The following RUNDC3B variants were observed in gnomAD, a reference collection of about 807,000 sequenced individuals.
RUNDC3B encodes RUN domain-containing protein 3B.
RUNDC3B carries 33 observed loss-of-function variants against 58.4 expected under a neutral mutation model. The ratio of observed to expected loss-of-function variants is 0.56; its 90% CI spans 0.43 to 0.75. RUNDC3B has a LOEUF of 0.75. Ranked by LOEUF, RUNDC3B falls within the 30% of genes least tolerant of loss-of-function variation. RUNDC3B has a pLI of 0.00. For synonymous variants in RUNDC3B, 193 were observed against 195.2 expected (o/e 0.99, Z 0.10); for missense variants, 501 against 535.7 (o/e 0.94, Z 0.64).
intron 6 of RUNDC3B, among the ~76,000 whole-genome samples, chr7:87,761,372 A>G (rs1563191982): frequency 6.6e-6 from 1 of 152,060 alleles, no homozygotes; most frequent in East Asian, 1.9e-4. Context: ...CTGGTGGGAA[A>G]ATGTAAAATG....
intron 6 of RUNDC3B, among the ~76,000 whole-genome samples, chr7:87,744,571 T>A (rs1832535591): frequency 6.6e-6 from 1 of 152,186 alleles, no homozygotes; most frequent in African/African-American, 2.4e-5. Flanking sequence ...TTTATTTTGT[T>A]TTTCAGCTAT....
intron 3 of RUNDC3B, among the ~76,000 whole-genome samples, chr7:87,703,497 C>T (rs374472635): frequency 6.6e-6 from 1 of 152,114 alleles, no homozygotes; most frequent in Non-Finnish European, 1.5e-5. Flanking sequence ...ATAAAGTTCA[C>T]TTGTTAAAGC....
At position 87,770,721 on chromosome 7, in the gene RUNDC3B, A is replaced by T. The variant is rs1008097444; in HGVS notation, c.770A>T (p.Gln257Leu). 10 of 1,612,946 alleles carry T rather than the reference A, an allele frequency of 6.2e-6. 1 individual carries two copies. The Admixed American group carries it at 1.7e-4, about 27-fold the overall frequency. Residue 257 changes from glutamine (Q) to leucine (L), a missense_variant, in exon 7 of 11, where the codon CAA (glutamine) becomes CTA (leucine). Physicochemically the swap from Gln to Leu is moderately radical, Grantham distance 113. Coordinates refer to ENST00000394654, the MANE Select transcript of RUNDC3B (RefSeq NM_001134405.2). ...TTCAACAAGTGTAAGAGAGTTAAAC[A>T]AAAGTATCAGCTTACCCTGGAACAG... ...SWFNKCKRVK[Q>L]KYQLTLEQKG...
intron 2 of RUNDC3B, 151 bp downstream of exon 2, chr7:87,651,088 C>T: frequency 1.7e-6 from 1 of 575,110 alleles, no homozygotes; most frequent in South Asian, 2.2e-5. Context: ...TACGAAAGAG[C>T]CTCTGTTCTC....
chr7:87,677,229 A>C (rs983946604), intron 2 of RUNDC3B, among the ~76,000 whole-genome samples: 1 of 151,486 alleles, frequency 6.6e-6, no homozygotes, highest in Non-Finnish European at 1.5e-5. Flanking sequence ...AGACAACCTA[A>C]GTAGCTGTCA....
chr7:87,714,150 T>C (rs28381714), intron 4 of RUNDC3B, among the ~76,000 whole-genome samples: 2,459 of 152,302 alleles, frequency 0.016, 44 homozygotes, highest in Non-Finnish European at 0.026. Flanking sequence ...TTTTGGAATC[T>C]GTGTATGTAT....
intron 6 of RUNDC3B, among the ~76,000 whole-genome samples, chr7:87,757,412 A>T (rs1027102023): frequency 6.6e-6 from 1 of 152,160 alleles, no homozygotes; most frequent in Non-Finnish European, 1.5e-5. Context: ...TGAAAAAGAA[A>T]CAAGGAAAGC....
In RUNDC3B at chr7:87,777,920, A is replaced by G. The variant is rs1563203298; in HGVS notation, c.921A>G (p.Gln307=). ...TGGCTCATAAACTGGAGAAGGAACA[A>G]TTAGAATATATAATTGTGGAGCTTC... ...SDLAHKLEKE[Q]LEYIIVELQD... The change falls in exon 8 of 11, where the codon CAA becomes CAG. Residue 307 remains glutamine (Q), a synonymous_variant. Transcript: ENST00000394654. 1.2e-6 allele frequency: 2 copies of G among 1,613,704 alleles called. No individual in the cohort carries two copies. The highest frequency in any genetic ancestry group is 1.7e-5 in the Admixed American group (1 of 60,002).
At chr7:87,733,314 A>C (rs995391927) in intron 4 of RUNDC3B, among the ~76,000 whole-genome samples, 1 of 152,224 alleles carries the variant, frequency 6.6e-6, no homozygotes, top group African/African-American at 2.4e-5. Flanking sequence ...CTGGCAGTCC[A>C]ACCTGGCATT....
At chr7:87,767,067 G>A (rs926079693) in intron 6 of RUNDC3B, among the ~76,000 whole-genome samples, 3 of 151,870 alleles carry the variant, frequency 2.0e-5, no homozygotes, top group African/African-American at 4.8e-5. Context: ...TTCCTTCAGC[G>A]AATTTTTCAT....
intron 3 of RUNDC3B, among the ~76,000 whole-genome samples, chr7:87,709,941 G>A (rs1829917745): frequency 6.6e-6 from 1 of 152,126 alleles, no homozygotes; most frequent in African/African-American, 2.4e-5. Context: ...CTGTGATTCT[G>A]TGCTAGAATA....
intron 10 of RUNDC3B, among the ~76,000 whole-genome samples, chr7:87,817,914 T>C (rs1460026065): frequency 6.6e-6 from 1 of 152,232 alleles, no homozygotes; most frequent in Admixed American, 6.5e-5. Context: ...ATGTGAGGAA[T>C]AAAGTAGAAA....
At chr7:87,740,283 C>T (rs1443829393) in intron 5 of RUNDC3B, among the ~76,000 whole-genome samples, 1 of 151,784 alleles carries the variant, frequency 6.6e-6, no homozygotes, top group Non-Finnish European at 1.5e-5. Flanking sequence ...AGATAAGATC[C>T]TGAGAGGCTA....
At chr7:87,653,828 G>A (rs1010980818) in intron 2 of RUNDC3B, among the ~76,000 whole-genome samples, 1 of 151,854 alleles carries the variant, frequency 6.6e-6, no homozygotes, top group Non-Finnish European at 1.5e-5. Context: ...TGATTTGTTA[G>A]TATTGCTCTT....
At chr7:87,710,524 AT>A in intron 3 of RUNDC3B, 45 bp from the exon 4 acceptor site, 2 of 1,206,636 alleles carry the variant, frequency 1.7e-6, no homozygotes, top group Non-Finnish European at 2.4e-6. Context: ...GTGGCAAAAT[AT>A]TTTTTTAATT....
intron 2 of RUNDC3B, among the ~76,000 whole-genome samples, chr7:87,684,020 C>A (rs1469684766): frequency 6.6e-6 from 1 of 152,044 alleles, no homozygotes; most frequent in East Asian, 1.9e-4. Flanking sequence ...ATTTTATTAG[C>A]AGACTAAAGA....
chr7:87,661,454 T>G (rs913327799), intron 2 of RUNDC3B, among the ~76,000 whole-genome samples: 1 of 151,640 alleles, frequency 6.6e-6, no homozygotes, highest in Non-Finnish European at 1.5e-5. Context: ...ATTATTTTAC[T>G]CTCTATCTCT....
intron 6 of RUNDC3B, among the ~76,000 whole-genome samples, chr7:87,770,196 T>C (rs1176279894): frequency 6.6e-6 from 1 of 152,136 alleles, no homozygotes; most frequent in East Asian, 1.9e-4. Flanking sequence ...TATTGAAGAT[T>C]GAGCAGGCAG....
chr7:87,641,599 C>T (rs1237973066), intron 1 of RUNDC3B, among the ~76,000 whole-genome samples: 1 of 152,182 alleles, frequency 6.6e-6, no homozygotes, highest in Non-Finnish European at 1.5e-5. Flanking sequence ...AGCTGGCCGA[C>T]AGCTGTGAAT....
Sources: allele counts gnomAD v4.1 joint callset (sites outside exome capture counted in the v4.1 genomes callset), GRCh38; gene constraint gnomAD v4.1.1; transcripts MANE v1.5; gene names NCBI Gene and HGNC (gene_info 2026-07-23, HGNC 2026-07-21).